SIRPA: variants seen among roughly 807,000 people sequenced by gnomAD.
SIRPA encodes the protein signal regulatory protein alpha.
In SIRPA, 9 loss-of-function variants were observed where a neutral mutation model predicts 50.3. The observed-to-expected ratio is 0.18, with a 90% confidence interval of 0.11 to 0.31. The LOEUF is 0.31. SIRPA is among the 10% of genes least tolerant of loss of function. The pLI, the probability that SIRPA is intolerant of heterozygous loss-of-function variation, is 1.00. For missense variants in SIRPA, 474 were observed against 661.6 expected, an observed-to-expected ratio of 0.72 and a Z score of 3.11; for synonymous variants, 265 against 284.1, an observed-to-expected ratio of 0.93 and a Z score of 0.68.
chr20:1,896,198 G>T (rs941919655), intron 1 of SIRPA, among the ~76,000 whole-genome samples: 1 of 152,176 alleles, frequency 6.6e-6, no homozygotes, highest in Admixed American at 6.5e-5. Context: ...TCCTTGAGGC[G>T]CTCCCAGCTC....
At chr20:1,913,833 G>C (rs574252199) in intron 1 of SIRPA, among the ~76,000 whole-genome samples, 1 of 152,038 alleles carries the variant, frequency 6.6e-6, no homozygotes, top group East Asian at 1.9e-4. Context: ...CATCTTCAAC[G>C]CATCTCATGA....
intron 1 of SIRPA, among the ~76,000 whole-genome samples, chr20:1,909,188 C>T (rs1568497556): frequency 6.6e-6 from 1 of 152,242 alleles, no homozygotes; most frequent in Admixed American, 6.5e-5. Context: ...GCCTCCCAGA[C>T]CCTGGGGGTC....
chr20:1,929,068 G>C (rs1013919857), intron 6 of SIRPA, among the ~76,000 whole-genome samples: 1 of 152,164 alleles, frequency 6.6e-6, no homozygotes, highest in Non-Finnish European at 1.5e-5. Flanking sequence ...CCAATCTTTT[G>C]ATGGTTTAGA....
chr20:1,900,479 G>A (rs1183319330), intron 1 of SIRPA, among the ~76,000 whole-genome samples: 1 of 152,196 alleles, frequency 6.6e-6, no homozygotes. Flanking sequence ...ACTAGGGACT[G>A]AGTGCTGTGG....
intron 1 of SIRPA, among the ~76,000 whole-genome samples, chr20:1,901,184 T>C (rs1183701178): frequency 6.9e-6 from 1 of 144,050 alleles, no homozygotes; most frequent in East Asian, 2.0e-4. Flanking sequence ...TTTTTTTTTT[T>C]TTTTGAGACG....
chr20:1,898,723 C>T lies in SIRPA; in HGVS notation c.79+3197C>T, dbSNP rs1044062330. On this transcript the variant is annotated intron_variant, in intron 1 of 7. Transcript: ENST00000358771. This position sits in a 1 kb window ranked among gnomAD's most constrained non-coding sequence, Gnocchi z 4.3. Reference sequence around the variant, plus strand: ...GGGAGTGAGAGAGGCCCCTTTCTGGCCTTGGGTGGAGGACTGTAGAAGAGT... The same window carrying T: ...GGGAGTGAGAGAGGCCCCTTTCTGGTCTTGGGTGGAGGACTGTAGAAGAGT... Among the ~76,000 whole-genome samples, 1 of 151,862 alleles carries T rather than the reference C, an allele frequency of 6.6e-6. No homozygotes were observed. The highest frequency in any genetic ancestry group is 2.4e-5 in the African/African-American group (1 of 41,318).
chr20:1,905,347 C>T (rs139074719), intron 1 of SIRPA, among the ~76,000 whole-genome samples: 1 of 152,342 alleles, frequency 6.6e-6, no homozygotes, highest in East Asian at 1.9e-4. Flanking sequence ...GCTCCAGCCT[C>T]CAGTGTTGGA....
chr20:1,895,558 TC>T (rs1568490204), intron 1 of SIRPA, 32 bp downstream of exon 1: 1 of 1,387,576 alleles, frequency 7.2e-7, no homozygotes, highest in Admixed American at 3.6e-5. Flanking sequence ...ACCGCTGCAC[TC>T]CCCAAACTGC....
In SIRPA at chr20:1,904,529, C is replaced by T. The variant is rs1457813172; in HGVS notation, c.79+9003C>T. Among the ~76,000 whole-genome samples the T allele has an allele frequency of 2.0e-5, 3 of 152,212 alleles. No homozygotes were observed. In the East Asian group the frequency reaches 5.8e-4, roughly 29 times the overall value. Reference sequence around the variant, plus strand: ...AATGGTTGTACCTCCCAAAGCTTCACATCTGGTCCTCCGTGAAATGGGGGT... The same window carrying T: ...AATGGTTGTACCTCCCAAAGCTTCATATCTGGTCCTCCGTGAAATGGGGGT... On this transcript the variant is annotated intron_variant, in intron 1 of 7. Coordinates refer to ENST00000358771, the MANE Select transcript of SIRPA (RefSeq NM_001040023.2).
At chr20:1,921,009 A>G (rs1382987625) in intron 2 of SIRPA, among the ~76,000 whole-genome samples, 2 of 152,238 alleles carry the variant, frequency 1.3e-5, no homozygotes, top group Non-Finnish European at 2.9e-5. Context: ...ACTGACCTCT[A>G]TAAACGCTCT....
In SIRPA at chr20:1,921,289, G is replaced by A. The variant is rs187153972; in HGVS notation, c.437-106G>A. ...CCTCATTAATCCTTCCACATTATTGGAAGGATAAAAAATAATGTCTCAGAA... is the reference window on the plus strand; with the variant it reads ...CCTCATTAATCCTTCCACATTATTGAAAGGATAAAAAATAATGTCTCAGAA... On this transcript the variant is annotated intron_variant, in intron 2 of 7. Coordinates refer to ENST00000358771, the MANE Select transcript of SIRPA (RefSeq NM_001040023.2). 4.5e-5 allele frequency: 71 copies of A among 1,579,350 alleles called. No individual in the cohort carries two copies. In the East Asian group the frequency reaches 1.5e-3, roughly 33 times the overall value.
chr20:1,895,567 T>A lies in SIRPA; in HGVS notation c.79+41T>A, dbSNP rs562529545. 123 of 1,364,614 alleles carry A rather than the reference T, an allele frequency of 9.0e-5. No homozygotes were observed. The South Asian group carries it at 2.0e-3, about 22-fold the overall frequency. 84.5% of individuals were successfully genotyped at this position (1,364,614 alleles called of 1,614,324 possible). A position where few individuals can be genotyped will look rare whatever the true frequency, so the allele number is the denominator to read the frequency against. ...CTCCCCACCGCTGCACTCCCCAAACTGCGGGCTCAGGCCTCTCAGACTGGC... is the reference window on the plus strand; with the variant it reads ...CTCCCCACCGCTGCACTCCCCAAACAGCGGGCTCAGGCCTCTCAGACTGGC... On this transcript the variant is annotated intron_variant, in intron 1 of 7. Transcript: ENST00000358771.
In SIRPA at chr20:1,934,622, T is replaced by C. The variant is rs1986467728; in HGVS notation, c.1227-93T>C. 1.6e-5 allele frequency: 20 copies of C among 1,256,598 alleles called. No homozygotes were observed. The highest frequency in any genetic ancestry group is 2.3e-5 in the Non-Finnish European group (20 of 861,150). 77.8% of individuals were successfully genotyped at this position (1,256,598 alleles called of 1,614,324 possible). A position where few individuals can be genotyped will look rare whatever the true frequency, so the allele number is the denominator to read the frequency against. On this transcript the variant is annotated intron_variant, in intron 6 of 7. Coordinates refer to ENST00000358771, the MANE Select transcript of SIRPA (RefSeq NM_001040023.2). This position sits in a 1 kb window ranked among gnomAD's most constrained non-coding sequence, Gnocchi z 4.6. ...CCTTCGTTCATGTCCTCAACCCATA[T>C]AGAAAATGGAGCCTAAATGTTATTC...
chr20:1,897,675 C>T (rs916018418), intron 1 of SIRPA, among the ~76,000 whole-genome samples: 1 of 151,846 alleles, frequency 6.6e-6, no homozygotes, highest in Non-Finnish European at 1.5e-5. Flanking sequence ...ACTAGTGTCT[C>T]AGGCAGAACT....
chr20:1,904,425 G>A (rs1441023445), intron 1 of SIRPA, among the ~76,000 whole-genome samples: 1 of 152,172 alleles, frequency 6.6e-6, no homozygotes, highest in African/African-American at 2.4e-5. Context: ...GTCACTGCAC[G>A]AGGCAGTCTG....
At chr20:1,920,525 G>A (rs1342906407) in intron 2 of SIRPA, among the ~76,000 whole-genome samples, 2 of 152,120 alleles carry the variant, frequency 1.3e-5, no homozygotes, top group African/African-American at 4.8e-5. Flanking sequence ...TGCCTGCTTG[G>A]GCGCCCTGTG....
intron 4 of SIRPA, among the ~76,000 whole-genome samples, chr20:1,923,095 T>C (rs1002989877): frequency 4.6e-5 from 7 of 152,204 alleles, no homozygotes; most frequent in African/African-American, 1.7e-4. Context: ...TCACATACAG[T>C]CAGTGCTTCA....
chr20:1,914,298 C>T (rs1453124316), intron 1 of SIRPA, among the ~76,000 whole-genome samples: 4 of 152,170 alleles, frequency 2.6e-5, no homozygotes, highest in Admixed American at 1.3e-4. Flanking sequence ...GAACAAGGGG[C>T]GAGCCAGGTT....
rs77592657 is a variant in SIRPA at position 1,937,605 on chromosome 20, C to T, written c.*37C>T. The T allele has an allele frequency of 4.2e-4, 669 of 1,602,348 alleles. 5 individuals carry two copies. In the East Asian group the frequency reaches 9.9e-3, roughly 24 times the overall value. On this transcript the variant is annotated 3_prime_UTR_variant, in exon 8 of 8. Coordinates refer to ENST00000358771, the MANE Select transcript of SIRPA (RefSeq NM_001040023.2). The surrounding 1 kb of genome is among the most constrained non-coding windows in gnomAD (Gnocchi z 8.3). ...GTTTGCTCTAGCACCCATCTCTACGCGCTTTCTTGTCCCACAGGGAGCCGC... is the reference window on the plus strand; with the variant it reads ...GTTTGCTCTAGCACCCATCTCTACGTGCTTTCTTGTCCCACAGGGAGCCGC...
Sources: gnomAD v4.1 joint callset for allele counts (sites outside exome capture counted in the v4.1 genomes callset) on GRCh38, gnomAD v4.1.1 for gene constraint, Gnocchi (gnomAD v3.1) non-coding constraint, MANE v1.5 for transcripts, NCBI Gene and HGNC (gene_info 2026-07-23, HGNC 2026-07-21) for gene names.